Variants in PTH2R observed in about 807,000 individuals in gnomAD.
PTH2R encodes the protein parathyroid hormone 2 receptor.
In PTH2R, 59 loss-of-function variants were observed where a neutral mutation model predicts 60.3. That is an observed-to-expected ratio of 0.98 (90% CI 0.79 to 1.22). PTH2R has a LOEUF of 1.22. Ranked by LOEUF, PTH2R falls within the 50% of genes most tolerant of loss-of-function variation. The probability of loss-of-function intolerance (pLI) is 0.00; values close to 1 mark genes in which losing one functional copy is unlikely to be tolerated. For synonymous variants in PTH2R, 256 were observed against 243.8 expected, an observed-to-expected ratio of 1.05 and a Z score of -0.47; for missense variants, 749 against 682.6, an observed-to-expected ratio of 1.10 and a Z score of -1.08.
chr2:208,479,710 A>G (rs1187033861), intron 9 of PTH2R, among the ~76,000 whole-genome samples: 1 of 152,184 alleles, frequency 6.6e-6, no homozygotes, highest in Admixed American at 6.5e-5. Context: ...GTCCTCCTGA[A>G]CAGAAGGTAT....
chr2:208,379,578 G>A (rs748115950), intron 1 of PTH2R, among the ~76,000 whole-genome samples: 8 of 152,118 alleles, frequency 5.3e-5, no homozygotes, highest in Non-Finnish European at 1.0e-4. Flanking sequence ...AGAACCTTGG[G>A]CTCTGGCACG....
At chr2:208,425,763 G>A (rs1354914803) in intron 1 of PTH2R, among the ~76,000 whole-genome samples, 2 of 152,152 alleles carry the variant, frequency 1.3e-5, no homozygotes, top group South Asian at 2.1e-4. Context: ...TAGAGAGCAG[G>A]CTTCTCTTGA....
rs1006110991 is a variant in PTH2R, at chr2:208,490,579, A to G, written c.1216-60A>G. ...TTGGACGTACACATTTTGGCACAAG[A>G]TGCTTAAGTGCTGTGAGTTTCTGAG... On this transcript the variant is annotated intron_variant, in intron 11 of 12. Transcript: ENST00000272847. 3 of 1,555,652 alleles carry G rather than the reference A, an allele frequency of 1.9e-6. No individual in the cohort carries two copies. The East Asian group carries it at 6.8e-5, about 35-fold the overall frequency.
intron 12 of PTH2R, among the ~76,000 whole-genome samples, chr2:208,492,225 A>G (rs1703419997): frequency 1.3e-5 from 2 of 152,228 alleles, no homozygotes; most frequent in Non-Finnish European, 2.9e-5. Flanking sequence ...TGACTCCTTT[A>G]GGCTGCCGAT....
At position 208,489,085 on chromosome 2, in the gene PTH2R, C is replaced by T. The variant is rs1160790175; in HGVS notation, c.1150C>T (p.His384Tyr). The T allele has an allele frequency of 1.5e-5, 25 of 1,614,024 alleles. No individual in the cohort carries two copies. Among genetic ancestry groups the T allele is most frequent in the Non-Finnish European group, 2.0e-5 (24 of 1,180,034 alleles). ...TTACATCGTGTTCGTATGCCTGCCTCACTCCTTCACTGGGCTCGGGTGGGA... is the reference window on the plus strand; with the variant it reads ...TTACATCGTGTTCGTATGCCTGCCTTACTCCTTCACTGGGCTCGGGTGGGA... ...VHYIVFVCLPHSFTGLGWEIR... is the reference protein window; with the variant it reads ...VHYIVFVCLPYSFTGLGWEIR... Residue 384 changes from histidine to tyrosine, a missense_variant, in exon 11 of 13, where the codon CAC (histidine) becomes TAC (tyrosine). By Grantham distance (83) the His-to-Tyr change is moderately conservative. Coordinates refer to ENST00000272847, the MANE Select transcript of PTH2R (RefSeq NM_005048.4).
At chr2:208,371,104 C>T (rs951502552) in intron 1 of PTH2R, among the ~76,000 whole-genome samples, 2 of 152,064 alleles carry the variant, frequency 1.3e-5, no homozygotes. Flanking sequence ...TGCCTCATCA[C>T]CCAAACACTT....
intron 8 of PTH2R, among the ~76,000 whole-genome samples, chr2:208,454,105 GC>G (rs1227273011): frequency 6.6e-6 from 1 of 152,036 alleles, no homozygotes; most frequent in Non-Finnish European, 1.5e-5. Flanking sequence ...TTTGGCCAGA[GC>G]CCCCCAGTTG....
intron 1 of PTH2R, among the ~76,000 whole-genome samples, chr2:208,388,802 A>G (rs1210378924): frequency 6.6e-6 from 1 of 152,220 alleles, no homozygotes; most frequent in Admixed American, 6.5e-5. Flanking sequence ...ATATCCTTGA[A>G]CTTCTGCTTC....
At chr2:208,491,132 T>C (rs1373563088) in intron 12 of PTH2R, among the ~76,000 whole-genome samples, 1 of 152,210 alleles carries the variant, frequency 6.6e-6, no homozygotes, top group Admixed American at 6.5e-5. Context: ...CTACACTAGA[T>C]AATAATACAT....
chr2:208,373,172 T>C (rs986276035), intron 1 of PTH2R, among the ~76,000 whole-genome samples: 6 of 152,040 alleles, frequency 3.9e-5, no homozygotes, highest in Non-Finnish European at 8.8e-5. Context: ...GAAAAATAAG[T>C]AGAGAGCTAA....
chr2:208,360,085 G>A (rs567539622), exon 1 of PTH2R: 2 of 385,988 alleles, frequency 5.2e-6, no homozygotes, highest in African/African-American at 4.2e-5. Flanking sequence ...TTTTAAAAAC[G>A]GAGAGTTTTT....
intron 9 of PTH2R, among the ~76,000 whole-genome samples, chr2:208,479,637 G>C (rs1398221254): frequency 7.2e-5 from 11 of 152,156 alleles, no homozygotes; most frequent in Admixed American, 7.2e-4. Context: ...AAATCTATCT[G>C]TGAGCTGCGA....
intron 8 of PTH2R, 95 bp from the exon 9 acceptor site, chr2:208,459,800 T>C: frequency 2.1e-6 from 2 of 944,234 alleles, no homozygotes; most frequent in Non-Finnish European, 3.4e-6. Context: ...ATTGGAAGTG[T>C]GGGGTTGGAG....
intron 2 of PTH2R, among the ~76,000 whole-genome samples, chr2:208,430,888 T>C (rs1701958136): frequency 6.6e-6 from 1 of 152,122 alleles, no homozygotes; most frequent in African/African-American, 2.4e-5. Flanking sequence ...CTTTAAGAAC[T>C]CTTTAACATT....
At chr2:208,404,811 C>T (rs1701371576), upstream of PTH2R, among the ~76,000 whole-genome samples, 1 of 152,076 alleles carries the variant, frequency 6.6e-6, no homozygotes, top group Admixed American at 6.5e-5. Flanking sequence ...CTGCCTACTT[C>T]CTGAGTTCCA....
At chr2:208,454,603 A>G (rs1344532831) in intron 8 of PTH2R, among the ~76,000 whole-genome samples, 5 of 152,204 alleles carry the variant, frequency 3.3e-5, no homozygotes, top group Admixed American at 1.3e-4. Flanking sequence ...ATAAATGTCT[A>G]TTGTTTAAGC....
At chr2:208,412,030 GTGTA>G (rs1701549744) in intron 1 of PTH2R, among the ~76,000 whole-genome samples, 2 of 152,278 alleles carry the variant, frequency 1.3e-5, no homozygotes, top group African/African-American at 4.8e-5. Context: ...TAAATGGGGT[GTGTA>G]TGTATGTGAG....
rs140136587 is a variant in PTH2R, at chr2:208,456,696, T to C, written c.915-3199T>C. On this transcript the variant is annotated intron_variant, in intron 8 of 12. Coordinates refer to ENST00000272847, the MANE Select transcript of PTH2R (RefSeq NM_005048.4). ...GAAGTTCCACTTTCTAGTCAGACCT[T>C]TGTATCTCATGCTTCACCATCCAGA... Among the ~76,000 whole-genome samples, 233 of 152,324 alleles carry C rather than the reference T, an allele frequency of 1.5e-3. 1 individual carries two copies. Among genetic ancestry groups the C allele is most frequent in the Middle Eastern group, 0.01 (3 of 294 alleles).
intron 1 of PTH2R, among the ~76,000 whole-genome samples, chr2:208,414,522 A>C (rs1701600689): frequency 6.6e-6 from 1 of 151,858 alleles, no homozygotes; most frequent in Non-Finnish European, 1.5e-5. Context: ...TTATCTTTTG[A>C]GTCCTTTGTC....
Sources: gnomAD v4.1 joint callset for allele counts (sites outside exome capture counted in the v4.1 genomes callset) on GRCh38, gnomAD v4.1.1 for gene constraint, MANE v1.5 for transcripts, NCBI Gene and HGNC (gene_info 2026-07-23, HGNC 2026-07-21) for gene names.